DNAL1: variants seen among roughly 807,000 people sequenced by gnomAD.
DNAL1 encodes dynein axonemal light chain 1.
Under a neutral mutation model 29.4 loss-of-function variants are expected in DNAL1, and 17 were observed. The observed-to-expected ratio is 0.58, with a 90% CI of 0.40 to 0.87. DNAL1 has a LOEUF of 0.87. DNAL1 is among the 40% of genes least tolerant of loss of function. DNAL1 has a pLI of 0.00. For synonymous variants in DNAL1, 78 were observed against 76.3 expected, an observed-to-expected ratio of 1.02 and a Z score of -0.12; for missense variants, 188 against 214.1, an observed-to-expected ratio of 0.88 and a Z score of 0.76.
intron 5 of DNAL1, among the ~76,000 whole-genome samples, chr14:73,677,690 G>A (rs1247137747): frequency 6.7e-6 from 1 of 150,222 alleles, no homozygotes; most frequent in Non-Finnish European, 1.5e-5. Flanking sequence ...CTGAGTAGCT[G>A]GGACTACAGG....
rs1566569312 is a variant in DNAL1 at position 73,700,183 on chromosome 14, G to GTCTACCAAAAATAT, written c.*4242_*4255dup. ...CCTGGCCAACGTGGTGAAACCCCAT[G>GTCTACCAAAAATAT]TCTACCAAAAATATAAAAAGATAGC... On this transcript the variant is annotated 3_prime_UTR_variant, in exon 8 of 8. Coordinates refer to ENST00000553645, the MANE Select transcript of DNAL1 (RefSeq NM_031427.4). The GTCTACCAAAAATAT allele has an allele frequency of 1.3e-5, 2 of 152,124 alleles. No homozygotes were observed. Among genetic ancestry groups the GTCTACCAAAAATAT allele is most frequent in the Admixed American group, 1.3e-4 (2 of 15,260 alleles). The allele number at this position is 152,124 out of a possible 1,614,324, so 9.4% of individuals were successfully genotyped here.
chr14:73,659,507 A>G (rs986833546), intron 3 of DNAL1: 1 of 152,100 alleles, frequency 6.6e-6, no homozygotes, highest in African/African-American at 2.4e-5. Flanking sequence ...GAGTTTGAAA[A>G]TATACATCTC....
intron 5 of DNAL1, chr14:73,673,162 CATT>C (rs1240941011): frequency 2.0e-5 from 3 of 152,112 alleles, no homozygotes; most frequent in Admixed American, 6.6e-5. Flanking sequence ...AATATAGAGA[CATT>C]GTGCATAAAG....
At chr14:73,679,423 G>T (rs755008111) in intron 5 of DNAL1, among the ~76,000 whole-genome samples, 5 of 151,994 alleles carry the variant, frequency 3.3e-5, no homozygotes, top group Non-Finnish European at 5.9e-5. Flanking sequence ...GTTTGTAGTA[G>T]CATTATTTAT....
intron 6 of DNAL1, among the ~76,000 whole-genome samples, chr14:73,688,389 C>T (rs1463581936): frequency 6.6e-6 from 1 of 152,120 alleles, no homozygotes; most frequent in East Asian, 1.9e-4. Context: ...GCGGGCAGAT[C>T]ACCTGAGGTC....
chr14:73,646,660 G>T (rs1218875513), intron 1 of DNAL1, among the ~76,000 whole-genome samples: 1 of 152,212 alleles, frequency 6.6e-6, no homozygotes, highest in Non-Finnish European at 1.5e-5. Flanking sequence ...TACTCAGGAG[G>T]CTGAGGCATG....
intron 7 of DNAL1, among the ~76,000 whole-genome samples, chr14:73,690,087 T>C (rs1262260848): frequency 6.6e-6 from 1 of 150,540 alleles, no homozygotes; most frequent in African/African-American, 2.4e-5. Context: ...TAAATCTACA[T>C]GGAGCCAGTC....
chr14:73,695,385 G>A (rs1319876626), intron 7 of DNAL1, among the ~76,000 whole-genome samples: 2 of 152,034 alleles, frequency 1.3e-5, no homozygotes, highest in Non-Finnish European at 2.9e-5. Context: ...CGATTTGGCA[G>A]TTAGGGGGCT....
At chr14:73,654,367 C>A (rs1891164891) in intron 1 of DNAL1, among the ~76,000 whole-genome samples, 1 of 152,174 alleles carries the variant, frequency 6.6e-6, no homozygotes, top group Admixed American at 6.5e-5. Flanking sequence ...AAAACGTCCT[C>A]TTTGCATATA....
At chr14:73,663,631 A>G (rs1891407389) in intron 4 of DNAL1, among the ~76,000 whole-genome samples, 1 of 152,188 alleles carries the variant, frequency 6.6e-6, no homozygotes, top group Non-Finnish European at 1.5e-5. Flanking sequence ...ACTATCTTAC[A>G]ACTTTTGTGA....
intron 7 of DNAL1, among the ~76,000 whole-genome samples, chr14:73,695,645 T>G (rs979601926): frequency 2.6e-5 from 4 of 152,106 alleles, no homozygotes; most frequent in African/African-American, 9.7e-5. Flanking sequence ...TTCTCCTGCC[T>G]CAGCCTCCCA....
In DNAL1 at chr14:73,668,078, G is replaced by C. The variant is rs74859518; in HGVS notation, c.209-3464G>C. Among the ~76,000 whole-genome samples the C allele has an allele frequency of 8.1e-3, 1,228 of 152,242 alleles. 24 individuals carry two copies. Among genetic ancestry groups the C allele is most frequent in the African/African-American group, 0.028 (1,164 of 41,536 alleles). Reference sequence around the variant, plus strand: ...GTGTAAATGTTCTTCCTCCAGATATGTGCATGGTGAACTCCCTTACTAACT... The same window carrying C: ...GTGTAAATGTTCTTCCTCCAGATATCTGCATGGTGAACTCCCTTACTAACT... On this transcript the variant is annotated intron_variant, in intron 4 of 7. Coordinates refer to ENST00000553645, the MANE Select transcript of DNAL1 (RefSeq NM_031427.4).
In DNAL1 at chr14:73,654,894, A is replaced by C. The variant is rs751332640; in HGVS notation, c.42+9A>C. The stretch of plus-strand genomic sequence containing the variant: ...AAGCCTTAGCGAGATGGGTGAGTAC[A>C]TGAGTTTTTCCTTCTTTTAGAAACT... On this transcript the variant is annotated intron_variant, in intron 2 of 7. Coordinates refer to ENST00000553645, the MANE Select transcript of DNAL1 (RefSeq NM_031427.4). 1 of 1,542,928 alleles carries C rather than the reference A, an allele frequency of 6.5e-7. No individual in the cohort carries two copies.
At position 73,695,048 on chromosome 14, in the gene DNAL1, C is replaced by CTTTTTT. The variant is rs71112798; in HGVS notation, c.533-834_533-829dup. 9.4e-4 allele frequency among the ~76,000 whole-genome samples: 57 copies of CTTTTTT among 60,884 alleles called. 4 individuals are homozygous for CTTTTTT. Among genetic ancestry groups the CTTTTTT allele is most frequent in the African/African-American group, 1.6e-3 (23 of 14,210 alleles). The allele number at this position is 60,884 out of a possible 152,430, so 39.9% of individuals were successfully genotyped here. A position where few individuals can be genotyped will look rare whatever the true frequency, so the allele number is the denominator to read the frequency against. ...TATTTTTCTACTTGGTACTTGTTGGCTTTTTTTTTTTTTTTTTTTTTTTTT... is the reference window on the plus strand; with the variant it reads ...TATTTTTCTACTTGGTACTTGTTGGCTTTTTTTTTTTTTTTTTTTTTTTTTTTTTTT... On this transcript the variant is annotated intron_variant, in intron 7 of 7. Coordinates refer to ENST00000553645, the MANE Select transcript of DNAL1 (RefSeq NM_031427.4).
Position 73,696,697 on chromosome 14 carries a change from G to A in DNAL1, c.*755G>A, listed in dbSNP as rs1448348050. The A allele has an allele frequency of 2.0e-5, 3 of 152,118 alleles. No individual in the cohort carries two copies. The highest frequency in any genetic ancestry group is 7.2e-5 in the African/African-American group (3 of 41,416). 9.4% of individuals were successfully genotyped at this position (152,118 alleles called of 1,614,324 possible). ...GATAATGTGGCAATGTTACTCATGT[G>A]GACCTCGCCTTAAGCACACATTTTG... On this transcript the variant is annotated 3_prime_UTR_variant, in exon 8 of 8. Transcript: ENST00000553645.
At chr14:73,647,367 AAAAAAAAAAAAAAAG>A (rs201091492) in intron 1 of DNAL1, among the ~76,000 whole-genome samples, 22,878 of 146,658 alleles carry the variant, frequency 0.16, 2,869 homozygotes, top group East Asian at 0.68. Context: ...TCTGTCTCAA[AAAAAAAAAAAAAAAG>A]AAAAAGAAAA....
rs1890947507 is a variant in DNAL1 at position 73,645,055 on chromosome 14, C to T, written c.3+13C>T. On this transcript the variant is annotated intron_variant, in intron 1 of 7. Coordinates refer to ENST00000553645, the MANE Select transcript of DNAL1 (RefSeq NM_031427.4). ...AACCGCCGGAATGGTGAGTACCTTT[C>T]GGGCCGCGTAGCCAAAGCTGAGAGA... 6.2e-7 allele frequency: 1 copy of T among 1,608,142 alleles called. No individual in the cohort carries two copies. The highest frequency in any genetic ancestry group is 1.3e-5 in the African/African-American group (1 of 74,978).
intron 2 of DNAL1, among the ~76,000 whole-genome samples, chr14:73,656,971 A>G (rs1891231701): frequency 6.6e-6 from 1 of 151,970 alleles, no homozygotes; most frequent in South Asian, 2.1e-4. Flanking sequence ...GAAAGTATAG[A>G]CGGGGTCTCA....
rs1892466656 is a variant in DNAL1, at chr14:73,702,716, T to C, written c.*6774T>C. The C allele has an allele frequency of 6.6e-6, 1 of 152,190 alleles. No individual in the cohort carries two copies. Among genetic ancestry groups the C allele is most frequent in the Non-Finnish European group, 1.5e-5 (1 of 68,038 alleles). 9.4% of individuals were successfully genotyped at this position (152,190 alleles called of 1,614,324 possible). ...CATTACACATTTTGCCAGCACATTT[T>C]CTATGCTATCAGCTAAAACGTAATT... On this transcript the variant is annotated 3_prime_UTR_variant, in exon 8 of 8. Transcript: ENST00000553645.
Sources: gnomAD v4.1 joint callset for allele counts (sites outside exome capture counted in the v4.1 genomes callset) on GRCh38, gnomAD v4.1.1 for gene constraint, MANE v1.5 for transcripts, NCBI Gene and HGNC (gene_info 2026-07-23, HGNC 2026-07-21) for gene names.